Variants in CDK16 observed in about 807,000 individuals in gnomAD.
CDK16 encodes cyclin dependent kinase 16, also known as cyclin-dependent kinase 16.
In CDK16, 2 loss-of-function variants were observed where a neutral mutation model predicts 41.6. The observed-to-expected ratio is 0.05, with a 90% confidence interval of 0.02 to 0.15. The LOEUF is 0.15. CDK16 is among the 10% of genes least tolerant of loss of function. CDK16 has a pLI of 1.00. For missense variants in CDK16, 228 were observed against 428.9 expected (o/e 0.53, Z 4.14); for synonymous variants, 169 against 169.7 (o/e 1.00, Z 0.03).
chrX:47,226,890 C>G lies in CDK16; in HGVS notation c.1116C>G (p.His372Gln), dbSNP rs767351341. The change falls in exon 11 of 16, where the codon CAC becomes CAG. Residue 372 changes from histidine to glutamine, a missense_variant. By Grantham distance (24) the His-to-Gln change is conservative. Coordinates refer to ENST00000357227, the MANE Select transcript of CDK16 (RefSeq NM_006201.5). Reference protein sequence around the residue: ...FPGSTVEEQLHFIFRILGTPT... With the variant: ...FPGSTVEEQLQFIFRILGTPT... ...GCTCCACGGTGGAGGAACAGCTACA[C>G]TTCATCTTCCGTATCTTAGGTGAGG... 8.3e-6 allele frequency: 10 copies of G among 1,209,949 alleles called. No individual in the cohort carries two copies. Among genetic ancestry groups the G allele is most frequent in the Non-Finnish European group, 1.1e-5 (10 of 894,113 alleles).
chrX:47,228,557 C>T lies in CDK16; in HGVS notation c.1376-10C>T, dbSNP rs200767933. On this transcript the variant is annotated splice_polypyrimidine_tract_variant and intron_variant, in intron 14 of 15. Transcript: ENST00000357227. ...GTCATCCCCCACTTCTATGTCTCCC[C>T]CATCTGTAGCTACTTCCATATTTGC... The T allele has an allele frequency of 2.4e-3, 2,896 of 1,203,031 alleles. 5 individuals are homozygous for T. Among genetic ancestry groups the T allele is most frequent in the South Asian group, 7.8e-3 (444 of 56,671 alleles).
At chrX:47,218,638 C>G (rs1556795966), upstream of CDK16, 3 of 1,166,336 alleles carry the variant, frequency 2.6e-6, no homozygotes, top group East Asian at 6.5e-5. Context: ...CCGCTGCGGA[C>G]GGGTCCTTTG....
rs1937533404 is a variant in CDK16, at chrX:47,225,854, C to T, written c.717C>T (p.Val239=). The change falls in exon 7 of 16, where the codon GTC becomes GTT. Residue 239 remains valine, a synonymous_variant. Transcript: ENST00000357227. The part of the protein sequence containing the change: ...IIHTEKSLTL[V]FEYLDKDLKQ... The stretch of plus-strand genomic sequence containing the variant: ...ACACGGAGAAGTCCCTCACCCTTGT[C>T]TTTGAGTACCTGGTAAGGTTGAGTG... 1 of 1,203,357 alleles carries T rather than the reference C, an allele frequency of 8.3e-7. No homozygotes were observed. Among genetic ancestry groups the T allele is most frequent in the South Asian group, 1.8e-5 (1 of 56,646 alleles).
chrX:47,224,297 G>GA, intron 2 of CDK16, 88 bp from the exon 3 acceptor site: 5 of 1,022,581 alleles, frequency 4.9e-6, no homozygotes, highest in Non-Finnish European at 6.6e-6. Flanking sequence ...GCACACATGT[G>GA]TGATGATGGA....
chrX:47,218,868 C>T lies in CDK16; in HGVS notation c.-244C>T. ...AGTCCGGGGGCATCGCCCGCAGCGG[C>T]CAAGCTCATGGCCGGCTGAGCGGGA... On this transcript the variant is annotated 5_prime_UTR_variant, in exon 1 of 16. Coordinates refer to ENST00000357227, the MANE Select transcript of CDK16 (RefSeq NM_006201.5). The T allele has an allele frequency of 9.0e-7, 1 of 1,113,552 alleles. No individual in the cohort carries two copies. Among genetic ancestry groups the T allele is most frequent in the Non-Finnish European group, 1.2e-6 (1 of 851,634 alleles). 91.8% of individuals were successfully genotyped at this position (1,113,552 alleles called of 1,213,427 possible).
intron 1 of CDK16, chrX:47,222,985 G>A: frequency 2.9e-6 from 3 of 1,049,143 alleles, no homozygotes; most frequent in Non-Finnish European, 3.7e-6. Flanking sequence ...TAGATGAATG[G>A]GATGATGCAG....
At chrX:47,222,619 G>A (rs1218620109) in intron 1 of CDK16, among the ~76,000 whole-genome samples, 1 of 91,570 alleles carries the variant, frequency 1.1e-5, no homozygotes, top group African/African-American at 4.1e-5. Context: ...TCTACTGGGT[G>A]TGGTTGCAGA....
At chrX:47,219,636 TTGG>T (rs1372563803) in intron 1 of CDK16, among the ~76,000 whole-genome samples, 23 of 110,172 alleles carry the variant, frequency 2.1e-4, no homozygotes, top group African/African-American at 5.6e-4. Context: ...AGAACGTGTG[TTGG>T]TGGGGTCAGG....
At chrX:47,222,075 C>T (rs911306448) in intron 1 of CDK16, 1 of 111,832 alleles carries the variant, frequency 8.9e-6, no homozygotes, top group African/African-American at 3.3e-5. Context: ...TTGGTGGCCC[C>T]ATTCCCTTCA....
chrX:47,218,680 T>G, upstream of CDK16: 1 of 1,166,975 alleles, frequency 8.6e-7, no homozygotes. Context: ...TCCCCTCCTT[T>G]CCACTTCACC....
chrX:47,218,329 G>A, upstream of CDK16: 1 of 258,061 alleles, frequency 3.9e-6, no homozygotes, highest in Non-Finnish European at 6.9e-6. Flanking sequence ...ATCTTCTCGC[G>A]AACCTTTAAA....
intron 1 of CDK16, chrX:47,222,903 CACAAT>C: frequency 2.2e-6 from 1 of 455,033 alleles, no homozygotes; most frequent in Non-Finnish European, 3.2e-6. Flanking sequence ...CCGCCCTCCA[CACAAT>C]CCCACCCAGT....
intron 1 of CDK16, chrX:47,222,011 C>G (rs1937356068): frequency 8.9e-6 from 1 of 112,032 alleles, no homozygotes; most frequent in African/African-American, 3.3e-5. Flanking sequence ...GTCTTTCCCC[C>G]TCCTTGCTGG....
chrX:47,223,418 G>A (rs1345496618), intron 1 of CDK16, 134 bp from the exon 2 acceptor site: 1 of 994,648 alleles, frequency 1.0e-6, no homozygotes. Flanking sequence ...GAGTGGCTCT[G>A]GGGTCCATAG....
In CDK16 at chrX:47,226,806, G is replaced by T. The variant is rs777111784; in HGVS notation, c.1038-6G>T. 8 of 1,200,728 alleles carry T rather than the reference G, an allele frequency of 6.7e-6. No individual in the cohort carries two copies. The highest frequency in any genetic ancestry group is 3.4e-6 in the Non-Finnish European group (3 of 889,886). The stretch of plus-strand genomic sequence containing the variant: ...CCTTTCTATTCACTGTGCCCTCCCT[G>T]CCCAGGGGTGTGGGCTGCATCTTCT... On this transcript the variant is annotated splice_region_variant and splice_polypyrimidine_tract_variant and intron_variant, in intron 10 of 15. Transcript: ENST00000357227.
chrX:47,227,513 A>T (rs754202559), intron 14 of CDK16, 44 bp downstream of exon 14: 1 of 1,010,345 alleles, frequency 9.9e-7, no homozygotes, highest in Non-Finnish European at 1.4e-6. Flanking sequence ...GGGGACTGGG[A>T]AACAGGACTG....
chrX:47,219,759 GTAGCTGAAGGAC>G (rs1203091764), intron 1 of CDK16, among the ~76,000 whole-genome samples: 1 of 110,662 alleles, frequency 9.0e-6, no homozygotes, highest in Non-Finnish European at 1.9e-5. Flanking sequence ...TGGAGGGCAG[GTAGCTGAAGGAC>G]TCGAGTGTGG....
At chrX:47,220,910 T>TA (rs1937312513) in intron 1 of CDK16, among the ~76,000 whole-genome samples, 1 of 110,790 alleles carries the variant, frequency 9.0e-6, no homozygotes, top group African/African-American at 3.3e-5. Flanking sequence ...AACAGTACGT[T>TA]AATGAGGGGA....
At chrX:47,227,694 G>T in intron 14 of CDK16, 1 of 407,272 alleles carries the variant, frequency 2.5e-6, no homozygotes, top group Non-Finnish European at 4.3e-6. Context: ...ATATGCAATA[G>T]CACTTTACTT....
Sources: gnomAD v4.1 joint callset for allele counts (sites outside exome capture counted in the v4.1 genomes callset) on GRCh38, gnomAD v4.1.1 for gene constraint, MANE v1.5 for transcripts, NCBI Gene and HGNC (gene_info 2026-07-23, HGNC 2026-07-21) for gene names.